ZNF536: variants seen among roughly 807,000 people sequenced by gnomAD.
The protein encoded by ZNF536 is zinc finger protein 536.
Under a neutral mutation model 84.5 loss-of-function variants are expected in ZNF536, and 13 were observed. That is an observed-to-expected ratio of 0.15 (90% CI 0.10 to 0.24). ZNF536 has a LOEUF of 0.24. Among genes scored for constraint, ZNF536 ranks in the 10% least tolerant of loss-of-function variants. ZNF536 has a pLI of 1.00. For missense variants in ZNF536, 1,536 were observed against 1,747.5 expected, an observed-to-expected ratio of 0.88 and a Z score of 2.16; for synonymous variants, 811 against 742.5, an observed-to-expected ratio of 1.09 and a Z score of -1.50.
intron 2 of ZNF536, among the ~76,000 whole-genome samples, chr19:30,483,186 G>A (rs574624368): frequency 2.7e-4 from 41 of 152,244 alleles, no homozygotes; most frequent in African/African-American, 8.9e-4. Context: ...GCATCTCCAG[G>A]CTCCTCCCAC....
At chr19:30,509,514 C>T (rs946903174) in intron 2 of ZNF536, among the ~76,000 whole-genome samples, 1 of 147,516 alleles carries the variant, frequency 6.8e-6, no homozygotes, top group African/African-American at 2.5e-5. Flanking sequence ...ATTATTTGTG[C>T]ATAATTTATA....
At chr19:30,459,686 G>C (rs2053043232) in intron 2 of ZNF536, among the ~76,000 whole-genome samples, 2 of 152,040 alleles carry the variant, frequency 1.3e-5, no homozygotes, top group Admixed American at 1.3e-4. Flanking sequence ...CAGCTCACGG[G>C]GTCGGCCTCA....
chr19:30,432,533 A>T (rs1239324796), intron 1 of ZNF536, among the ~76,000 whole-genome samples: 1 of 151,840 alleles, frequency 6.6e-6, no homozygotes, highest in East Asian at 1.9e-4. Flanking sequence ...CTGCTGGGAG[A>T]TGTGGGGAAA....
intron 1 of ZNF536, among the ~76,000 whole-genome samples, chr19:30,619,859 G>A (rs1024168057): frequency 4.6e-5 from 7 of 152,152 alleles, no homozygotes; most frequent in Admixed American, 2.6e-4. Flanking sequence ...TTGAATGAAC[G>A]GAAGCCAATA....
chr19:30,710,544 AAAC>A (rs1347143858), intron 1 of ZNF536, among the ~76,000 whole-genome samples: 5 of 152,188 alleles, frequency 3.3e-5, no homozygotes, highest in Admixed American at 6.5e-5. Flanking sequence ...TGATCTCTAA[AAAC>A]AACAACAAAA....
At chr19:30,626,323 T>G (rs1413007301) in intron 1 of ZNF536, among the ~76,000 whole-genome samples, 1 of 152,216 alleles carries the variant, frequency 6.6e-6, no homozygotes, top group African/African-American at 2.4e-5. Context: ...TTCTATATTT[T>G]TGCCAGATTT....
Position 30,318,509 on chromosome 19 carries a change from G to GACC in ZNF536, c.-119-33858_-119-33857insCCA, listed in dbSNP as rs143338306. On this transcript the variant is annotated intron_variant, in intron 2 of 5. Coordinates refer to the ZNF536 transcript ENST00000585628. ...AAATATCACAAGATTCCACTAGAGC[G>GACC]AAAGACTGCAGAGAGGCCTTGGAGT... Among the ~76,000 whole-genome samples the GACC allele has an allele frequency of 7.5e-3, 1,144 of 152,374 alleles. 19 individuals are homozygous for GACC. Among genetic ancestry groups the GACC allele is most frequent in the African/African-American group, 0.026 (1,097 of 41,578 alleles).
chr19:30,612,593 C>A (rs1398356434), intron 1 of ZNF536, among the ~76,000 whole-genome samples: 1 of 152,120 alleles, frequency 6.6e-6, no homozygotes. Context: ...GATCTGTTAA[C>A]TACCTTGTAT....
chr19:30,314,524 CA>C (rs1391689763), intron 2 of ZNF536, among the ~76,000 whole-genome samples: 1 of 152,194 alleles, frequency 6.6e-6, no homozygotes, highest in East Asian at 1.9e-4. Context: ...AAAAGAGCCA[CA>C]CCGTGTTCCC....
intron 1 of ZNF536, among the ~76,000 whole-genome samples, chr19:30,609,929 T>A (rs2048040255): frequency 6.6e-6 from 1 of 151,424 alleles, no homozygotes; most frequent in African/African-American, 2.4e-5. Context: ...CATCCATCCA[T>A]CCATCCATCC....
intron 1 of ZNF536, among the ~76,000 whole-genome samples, chr19:30,248,778 T>C (rs2024441837): frequency 6.6e-6 from 1 of 152,160 alleles, no homozygotes; most frequent in African/African-American, 2.4e-5. Context: ...TTCTGAGGAA[T>C]GATTATTTCT....
chr19:30,544,490 G>A (rs1027271132), intron 3 of ZNF536, among the ~76,000 whole-genome samples: 6 of 152,184 alleles, frequency 3.9e-5, no homozygotes, highest in Admixed American at 3.9e-4. Flanking sequence ...TAAAGACAGT[G>A]GGTGGAGTGA....
chr19:30,497,677 C>T (rs917492065), intron 2 of ZNF536, among the ~76,000 whole-genome samples: 3 of 152,114 alleles, frequency 2.0e-5, no homozygotes, highest in East Asian at 1.9e-4. Context: ...CTGAATTCTT[C>T]GGAACTGTTG....
intron 1 of ZNF536, among the ~76,000 whole-genome samples, chr19:30,234,414 T>C (rs2023313736): frequency 6.8e-6 from 1 of 146,112 alleles, no homozygotes; most frequent in African/African-American, 2.5e-5. Flanking sequence ...TTTTTTTTTT[T>C]TTTTTTGAGA....
At chr19:30,380,355 G>A (rs112925064) in intron 1 of ZNF536, among the ~76,000 whole-genome samples, 10,432 of 152,090 alleles carry the variant, frequency 0.069, 1,215 homozygotes, top group African/African-American at 0.24. Flanking sequence ...AATGGGAGCC[G>A]TGGTGTCAGT....
At chr19:30,232,143 G>A (rs2023102220) in intron 1 of ZNF536, among the ~76,000 whole-genome samples, 1 of 152,048 alleles carries the variant, frequency 6.6e-6, no homozygotes, top group African/African-American at 2.4e-5. Flanking sequence ...TGGCCCACCT[G>A]GGGTGGGCGT....
intron 1 of ZNF536, among the ~76,000 whole-genome samples, chr19:30,423,482 G>A (rs778509127): frequency 1.1e-4 from 16 of 152,198 alleles, no homozygotes; most frequent in Non-Finnish European, 2.2e-4. Flanking sequence ...GGAACAAGTG[G>A]CTATTCTATG....
intron 1 of ZNF536, among the ~76,000 whole-genome samples, chr19:30,416,700 T>C (rs2050748822): frequency 6.6e-6 from 1 of 152,130 alleles, no homozygotes; most frequent in Non-Finnish European, 1.5e-5. Flanking sequence ...TTCATCTTTT[T>C]CCCCACCACG....
intron 1 of ZNF536, among the ~76,000 whole-genome samples, chr19:30,700,212 C>CCTTT: frequency 9.2e-6 from 1 of 108,762 alleles, no homozygotes; most frequent in South Asian, 3.1e-4. Context: ...TTCTTTCTTT[C>CCTTT]CTTCTTTCTT....
Sources: gnomAD v4.1 joint callset for allele counts (sites outside exome capture counted in the v4.1 genomes callset) on GRCh38, gnomAD v4.1.1 for gene constraint, MANE v1.5 for transcripts, NCBI Gene and HGNC (gene_info 2026-07-23, HGNC 2026-07-21) for gene names.